Variants in FAS observed in about 807,000 individuals in gnomAD.
FAS encodes the protein Fas cell surface death receptor, also known as tumor necrosis factor receptor superfamily member 6.
Under a neutral mutation model 33.2 loss-of-function variants are expected in FAS, and 5 were observed. The ratio of observed to expected loss-of-function variants is 0.15; its 90% confidence interval spans 0.08 to 0.32. FAS has a LOEUF of 0.32. FAS is among the 10% of genes least tolerant of loss of function. The pLI, the probability that FAS is intolerant of heterozygous loss-of-function variation, is 1.00. For missense variants in FAS, 339 were observed against 386.0 expected (o/e 0.88, Z 1.02); for synonymous variants, 131 against 130.7 (o/e 1.00, Z -0.01).
intron 8 of FAS, 46 bp from the exon 9 acceptor site, chr10:89,014,073 A>C (rs1400460606): frequency 6.3e-7 from 1 of 1,579,976 alleles, no homozygotes; most frequent in African/African-American, 1.3e-5. Flanking sequence ...ACTAATGGGA[A>C]TTTCATTTAG....
chr10:88,983,670 G>A (rs79743266), upstream of FAS, among the ~76,000 whole-genome samples: 2,205 of 139,112 alleles, frequency 0.016, 61 homozygotes, highest in African/African-American at 0.057. Context: ...CAAATGTTCT[G>A]GACATTATAT....
intron 1 of FAS, among the ~76,000 whole-genome samples, chr10:88,999,285 C>T (rs1847798277): frequency 6.6e-6 from 1 of 152,180 alleles, no homozygotes; most frequent in African/African-American, 2.4e-5. Context: ...GGGTGGGGAG[C>T]ACTCTTTCCT....
Position 89,014,516 on chromosome 10 carries a change from G to GTATTTACAGCCA in FAS, c.*66_*67insTATTTACAGCCA. ...GTGTTTGAAAAGATTCTTAATAGCT[G>GTATTTACAGCCA]GCTGTAAATACTGCTTGGTTTTTTA... On this transcript the variant is annotated 3_prime_UTR_variant, in exon 9 of 9. Coordinates refer to ENST00000652046, the MANE Select transcript of FAS (RefSeq NM_000043.6). 1 of 1,461,130 alleles carries GTATTTACAGCCA rather than the reference G, an allele frequency of 6.8e-7. No homozygotes were observed. The highest frequency in any genetic ancestry group is 9.4e-7 in the Non-Finnish European group (1 of 1,063,400). The allele number at this position is 1,461,130 out of a possible 1,614,324, so 90.5% of individuals were successfully genotyped here. A position where few individuals can be genotyped will look rare whatever the true frequency, so the allele number is the denominator to read the frequency against.
Position 88,976,931 on chromosome 10 carries a change from T to C in FAS, n.260+3584T>C, listed in dbSNP as rs114940098. Among the ~76,000 whole-genome samples the C allele has an allele frequency of 8.8e-3, 1,334 of 152,328 alleles. 17 individuals carry two copies. Among genetic ancestry groups the C allele is most frequent in the African/African-American group, 0.03 (1,255 of 41,572 alleles). The stretch of plus-strand genomic sequence containing the variant: ...GAAGTTGCATTGTGCTTGAGATCCT[T>C]ATATCTGGTGAAGGTAATTTTTGCC... On this transcript the variant is annotated intron_variant and non_coding_transcript_variant, in intron 2 of 3. Transcript: ENST00000688239.
rs372880667 is a variant in FAS, at chr10:89,003,036, C to T, written c.38C>T (p.Thr13Met). The change falls in exon 2 of 9, where the codon ACG becomes ATG. Residue 13 changes from threonine (T) to methionine (M), a missense_variant. Transcript: ENST00000652046. Reference sequence around the variant, plus strand: ...CATGCTTTTATTTTACAGGTTCTTACGTCTGTTGCTAGATTATCGTCCAAA... The same window carrying T: ...CATGCTTTTATTTTACAGGTTCTTATGTCTGTTGCTAGATTATCGTCCAAA... ...GIWTLLPLVL[T>M]SVARLSSKSV... is the part of the protein sequence containing the mutation. 91 of 1,613,964 alleles carry T rather than the reference C, an allele frequency of 5.6e-5. No homozygotes were observed. Among genetic ancestry groups the T allele is most frequent in the South Asian group, 2.5e-4 (23 of 91,084 alleles).
At chr10:89,009,484 A>G (rs1848417885) in intron 4 of FAS, among the ~76,000 whole-genome samples, 1 of 152,228 alleles carries the variant, frequency 6.6e-6, no homozygotes, top group African/African-American at 2.4e-5. Flanking sequence ...GCAGCTGCAA[A>G]GAGACAAAGG....
chr10:89,005,902 C>A (rs963781002), intron 2 of FAS, among the ~76,000 whole-genome samples: 5 of 152,118 alleles, frequency 3.3e-5, no homozygotes, highest in Non-Finnish European at 7.4e-5. Flanking sequence ...GCCTCCCAAT[C>A]TGCTGGGATT....
chr10:89,010,913 G>A, intron 6 of FAS, 98 bp downstream of exon 6: 1 of 1,344,924 alleles, frequency 7.4e-7, no homozygotes, highest in South Asian at 1.2e-5. Context: ...TACCACTTTG[G>A]TAGATTTATG....
At chr10:89,004,981 GA>G (rs1354162123) in intron 2 of FAS, among the ~76,000 whole-genome samples, 1 of 152,110 alleles carries the variant, frequency 6.6e-6, no homozygotes, top group Non-Finnish European at 1.5e-5. Context: ...CAAATACAGA[GA>G]AAAGACAGAT....
intron 1 of FAS, among the ~76,000 whole-genome samples, chr10:88,992,718 C>T (rs1047293779): frequency 6.6e-6 from 1 of 152,104 alleles, no homozygotes; most frequent in Non-Finnish European, 1.5e-5. Flanking sequence ...AACTCTATCA[C>T]CTAAGTAATC....
intron 2 of FAS, among the ~76,000 whole-genome samples, chr10:89,006,011 T>TA (rs1207274985): frequency 1.3e-5 from 2 of 152,162 alleles, no homozygotes; most frequent in African/African-American, 4.8e-5. Context: ...ACCATTATAC[T>TA]AAAAAAAGTA....
chr10:89,014,968 A>C lies in FAS; in HGVS notation c.*518A>C. On this transcript the variant is annotated 3_prime_UTR_variant, in exon 9 of 9. Coordinates refer to ENST00000652046, the MANE Select transcript of FAS (RefSeq NM_000043.6). ...CTCTGAGAAGATCATATTTATGTAAAGTATATGTATTTGAGTGCAGAATTT... is the reference window on the plus strand; with the variant it reads ...CTCTGAGAAGATCATATTTATGTAACGTATATGTATTTGAGTGCAGAATTT... The C allele has an allele frequency of 1.9e-6, 1 of 534,332 alleles. No individual in the cohort carries two copies. Among genetic ancestry groups the C allele is most frequent in the Non-Finnish European group, 3.6e-6 (1 of 276,442 alleles). The allele number at this position is 534,332 out of a possible 1,614,324, so 33.1% of individuals were successfully genotyped here.
Position 89,014,155 on chromosome 10 carries a change from G to C in FAS, c.713G>C (p.Gly238Ala). ...DLSKYITTIA[G>A]VMTLSQVKGF... is the part of the protein sequence containing the mutation. The stretch of plus-strand genomic sequence containing the variant: ...AGTAAATATATCACCACTATTGCTG[G>C]AGTCATGACACTAAGTCAAGTTAAA... The change falls in exon 9 of 9, where the codon GGA (glycine) becomes GCA (alanine). Residue 238 changes from glycine (G) to alanine (A), a missense_variant. This residue lies in a region of FAS where 276 missense variants were observed against 300.1 expected (regional missense o/e 0.92). Transcript: ENST00000652046. The C allele has an allele frequency of 6.2e-7, 1 of 1,613,698 alleles. No individual in the cohort carries two copies. Among genetic ancestry groups the C allele is most frequent in the Non-Finnish European group, 8.5e-7 (1 of 1,179,878 alleles).
At chr10:89,013,282 T>G in intron 7 of FAS, 61 bp from the exon 8 acceptor site, 3 of 1,515,358 alleles carry the variant, frequency 2.0e-6, no homozygotes, top group East Asian at 4.5e-5. Flanking sequence ...AGTTCACATT[T>G]AGAATATTCT....
chr10:88,972,014 T>C (rs1398993660), intron 1 of FAS, among the ~76,000 whole-genome samples: 5 of 152,040 alleles, frequency 3.3e-5, no homozygotes, highest in Non-Finnish European at 7.4e-5. Flanking sequence ...GTTCATGCTA[T>C]TCTCCTGCTT....
intron 2 of FAS, 148 bp downstream of exon 2, chr10:89,003,342 C>T (rs1848042061): frequency 7.8e-6 from 7 of 893,740 alleles, no homozygotes; most frequent in Non-Finnish European, 1.0e-5. Context: ...AATTATTTTC[C>T]AAAGATGAGT....
Position 88,995,601 on chromosome 10 carries a change from A to C in FAS, c.30+4695A>C, listed in dbSNP as rs9658684. 9.1e-3 allele frequency among the ~76,000 whole-genome samples: 1,390 copies of C among 152,284 alleles called. 22 individuals carry two copies. Among genetic ancestry groups the C allele is most frequent in the African/African-American group, 0.031 (1,301 of 41,556 alleles). On this transcript the variant is annotated intron_variant, in intron 1 of 8. Coordinates refer to ENST00000652046, the MANE Select transcript of FAS (RefSeq NM_000043.6). ...TTCAGGAGGCCAAGGTGGGTGGATC[A>C]TGGATCACTTGAGATTAGGAGTTTG...
intron 3 of FAS, among the ~76,000 whole-genome samples, 182 bp downstream of exon 3, chr10:89,008,019 G>A (rs996587887): frequency 1.3e-5 from 2 of 152,202 alleles, no homozygotes; most frequent in African/African-American, 4.8e-5. Flanking sequence ...AGACCTTTAT[G>A]AGTAAGTCTA....
In FAS at chr10:89,008,881, T is replaced by C. The variant is rs1259712184; in HGVS notation, c.335-8T>C. The C allele has an allele frequency of 4.3e-6, 7 of 1,613,460 alleles. No individual in the cohort carries two copies. Among genetic ancestry groups the C allele is most frequent in the Non-Finnish European group, 5.9e-6 (7 of 1,179,414 alleles). ...CTATAACTAATAGTTTCCAAACTGATTTTCTAGGCTTAGAAGTGGAAATAA... is the reference window on the plus strand; with the variant it reads ...CTATAACTAATAGTTTCCAAACTGACTTTCTAGGCTTAGAAGTGGAAATAA... On this transcript the variant is annotated splice_region_variant and splice_polypyrimidine_tract_variant and intron_variant, in intron 3 of 8. Transcript: ENST00000652046.
Sources: gnomAD v4.1 joint callset for allele counts (sites outside exome capture counted in the v4.1 genomes callset) on GRCh38, gnomAD v4.1.1 for gene constraint, gnomAD v4.1.1 regional missense constraint, MANE v1.5 for transcripts, NCBI Gene and HGNC (gene_info 2026-07-23, HGNC 2026-07-21) for gene names.